Variants in VAV3 observed in about 807,000 individuals in gnomAD.
VAV3 encodes the protein guanine nucleotide exchange factor VAV3.
A neutral mutation model predicts 131.2 loss-of-function variants in VAV3; 94 were observed. The observed-to-expected ratio is 0.72, with a 90% CI of 0.61 to 0.85. The LOEUF is 0.85. Among genes scored for constraint, VAV3 ranks in the 40% least tolerant of loss-of-function variants. The pLI is 0.00. For missense variants in VAV3, 939 were observed against 1,002.7 expected (o/e 0.94, Z 0.86); for synonymous variants, 349 against 342.0 (o/e 1.02, Z -0.22).
At chr1:107,791,753 G>C (rs1666298054) in intron 2 of VAV3, among the ~76,000 whole-genome samples, 1 of 152,122 alleles carries the variant, frequency 6.6e-6, no homozygotes, top group Non-Finnish European at 1.5e-5. Context: ...AGGTCCAAGA[G>C]AATCAGCTTG....
chr1:107,734,549 GCC>G (rs1662468982), intron 15 of VAV3, among the ~76,000 whole-genome samples: 1 of 152,056 alleles, frequency 6.6e-6, no homozygotes, highest in Non-Finnish European at 1.5e-5. Flanking sequence ...AGAAAAGCAG[GCC>G]TTGCAATCCT....
At chr1:107,935,948 A>G (rs868233502) in intron 1 of VAV3, among the ~76,000 whole-genome samples, 1 of 152,106 alleles carries the variant, frequency 6.6e-6, no homozygotes, top group African/African-American at 2.4e-5. Flanking sequence ...AGGTGAAAAT[A>G]CCCCATCAGT....
intron 20 of VAV3, among the ~76,000 whole-genome samples, chr1:107,637,573 T>A (rs1368708810): frequency 6.6e-6 from 1 of 152,128 alleles, no homozygotes; most frequent in African/African-American, 2.4e-5. Context: ...CAATGAGCCG[T>A]GATCCCGCCG....
chr1:107,659,531 G>T (rs1417319835), intron 19 of VAV3, among the ~76,000 whole-genome samples: 1 of 152,134 alleles, frequency 6.6e-6, no homozygotes, highest in Non-Finnish European at 1.5e-5. Flanking sequence ...CTGACAAAGT[G>T]ATTGTTCTTT....
At chr1:107,831,034 T>G (rs1435769500) in intron 2 of VAV3, among the ~76,000 whole-genome samples, 1 of 152,156 alleles carries the variant, frequency 6.6e-6, no homozygotes, top group Non-Finnish European at 1.5e-5. Flanking sequence ...ACAGGTTGAG[T>G]ATCCCTTATC....
chr1:107,959,113 T>G (rs1017845666), intron 1 of VAV3, among the ~76,000 whole-genome samples: 10 of 151,906 alleles, frequency 6.6e-5, no homozygotes, highest in African/African-American at 2.4e-4. Flanking sequence ...ATACAAAAAT[T>G]AGCCAGGCGT....
chr1:107,620,733 T>C (rs188910230), intron 20 of VAV3, among the ~76,000 whole-genome samples: 1 of 152,146 alleles, frequency 6.6e-6, no homozygotes, highest in Non-Finnish European at 1.5e-5. Flanking sequence ...GGGAGTGCAA[T>C]GTCACAAAGC....
chr1:107,750,480 T>G (rs911102407), intron 13 of VAV3, among the ~76,000 whole-genome samples: 4 of 152,208 alleles, frequency 2.6e-5, no homozygotes, highest in Non-Finnish European at 5.9e-5. Flanking sequence ...CTGTAACACT[T>G]GCATCACTTT....
chr1:107,718,157 T>C (rs977442782), intron 15 of VAV3, among the ~76,000 whole-genome samples: 7 of 152,226 alleles, frequency 4.6e-5, no homozygotes, highest in Admixed American at 2.6e-4. Flanking sequence ...AAGACAGGGA[T>C]GCCCTCTCTC....
At position 107,669,129 on chromosome 1, in the gene VAV3, A is replaced by G; in HGVS notation, c.1777+14359T>C. 4 of 1,088,106 alleles carry G rather than the reference A, an allele frequency of 3.7e-6. No individual in the cohort carries two copies. The South Asian group carries it at 9.6e-5, about 26-fold the overall frequency. 67.4% of individuals were successfully genotyped at this position (1,088,106 alleles called of 1,614,324 possible). The stretch of plus-strand genomic sequence containing the variant: ...TGTTCTTTAAAATTGAAGACAGAAA[A>G]ATTCTTGGCTGCACTTTCATTCTAT... On this transcript the variant is annotated intron_variant, in intron 19 of 26. Coordinates refer to ENST00000370056, the MANE Select transcript of VAV3 (RefSeq NM_006113.5).
At chr1:107,794,751 T>C (rs577825913) in intron 2 of VAV3, among the ~76,000 whole-genome samples, 19 of 152,312 alleles carry the variant, frequency 1.2e-4, no homozygotes, top group Admixed American at 8.5e-4. Flanking sequence ...TTTCAGTCAT[T>C]AGCTCCTCTG....
intron 1 of VAV3, among the ~76,000 whole-genome samples, chr1:107,958,179 G>T (rs1317594907): frequency 6.6e-6 from 1 of 152,208 alleles, no homozygotes. Flanking sequence ...ACTAAGGAAT[G>T]ATATTATTCT....
At chr1:107,779,627 G>C (rs1665573690) in intron 2 of VAV3, 135 bp from the exon 3 acceptor site, 1 of 486,124 alleles carries the variant, frequency 2.1e-6, no homozygotes, top group Non-Finnish European at 3.5e-6. Context: ...TGTGCAGAAT[G>C]AGAAGGGCTG....
intron 19 of VAV3, among the ~76,000 whole-genome samples, chr1:107,650,904 T>C (rs1055761452): frequency 4.6e-5 from 7 of 151,920 alleles, no homozygotes; most frequent in Non-Finnish European, 7.4e-5. Flanking sequence ...CCAACAATGA[T>C]AGACTGGATT....
chr1:107,729,789 G>A (rs1304494720), intron 15 of VAV3, among the ~76,000 whole-genome samples: 1 of 152,114 alleles, frequency 6.6e-6, no homozygotes, highest in Non-Finnish European at 1.5e-5. Flanking sequence ...AGGAAAGATT[G>A]GAAAAATAAT....
chr1:107,755,642 A>C, intron 11 of VAV3, 129 bp from the exon 12 acceptor site: 1 of 632,438 alleles, frequency 1.6e-6, no homozygotes, highest in East Asian at 2.8e-5. Context: ...CAAAGACAGT[A>C]AAATGAATGC....
At chr1:107,610,118 T>G (rs114339232) in intron 21 of VAV3, among the ~76,000 whole-genome samples, 153 bp from the exon 22 acceptor site, 1 of 152,192 alleles carries the variant, frequency 6.6e-6, no homozygotes, top group Non-Finnish European at 1.5e-5. Flanking sequence ...GAGTGAATCA[T>G]AGTATCTGTC....
chr1:107,911,862 C>T lies in VAV3; in HGVS notation c.205-36845G>A, dbSNP rs138499021. ...AATTGGACAGGTCCTTTAGATTCCT[C>T]TGTCCATCAATTACATTATCTAGAG... On this transcript the variant is annotated intron_variant, in intron 1 of 26. Transcript: ENST00000370056. Among the ~76,000 whole-genome samples, 7 of 152,318 alleles carry T rather than the reference C, an allele frequency of 4.6e-5. No individual in the cohort carries two copies. The East Asian group carries it at 1.3e-3, about 29-fold the overall frequency.
At chr1:107,787,729 C>A (rs982011924) in intron 2 of VAV3, among the ~76,000 whole-genome samples, 6 of 152,160 alleles carry the variant, frequency 3.9e-5, no homozygotes, top group African/African-American at 1.4e-4. Context: ...TGATATATTT[C>A]TTATTTGATT....
Sources: allele counts gnomAD v4.1 joint callset (sites outside exome capture counted in the v4.1 genomes callset), GRCh38; gene constraint gnomAD v4.1.1; transcripts MANE v1.5; gene names NCBI Gene and HGNC (gene_info 2026-07-23, HGNC 2026-07-21).